Variants in KAZN observed in about 807,000 individuals in gnomAD.
The protein encoded by KAZN is kazrin.
Under a neutral mutation model 87.4 loss-of-function variants are expected in KAZN, and 40 were observed. That is an observed-to-expected ratio of 0.46 (90% CI 0.36 to 0.60). The LOEUF is 0.60. KAZN is among the 20% of genes least tolerant of loss of function. KAZN has a pLI of 0.00. For missense variants in KAZN, 898 were observed against 1,073.9 expected (o/e 0.84, Z 2.29); for synonymous variants, 466 against 458.3 (o/e 1.02, Z -0.22).
chr1:14,879,763 C>T (rs1203322694), intron 1 of KAZN, among the ~76,000 whole-genome samples: 1 of 152,144 alleles, frequency 6.6e-6, no homozygotes, highest in East Asian at 1.9e-4. Context: ...TAGACCGTCC[C>T]CCACAGCATG....
chr1:14,862,159 C>T (rs569951683), intron 1 of KAZN, among the ~76,000 whole-genome samples: 8 of 152,280 alleles, frequency 5.3e-5, no homozygotes, highest in South Asian at 4.2e-4. Context: ...TCTCAAGGAT[C>T]GAATAATAGA....
intron 2 of KAZN, chr1:14,304,749 C>T (rs1654799609): frequency 2.5e-6 from 1 of 397,580 alleles, no homozygotes; most frequent in African/African-American, 2.1e-5. Context: ...GGCATTACCA[C>T]ACCACAGTCT....
At chr1:14,085,575 C>CA (rs1643829605) in intron 1 of KAZN, among the ~76,000 whole-genome samples, 1 of 152,224 alleles carries the variant, frequency 6.6e-6, no homozygotes, top group Non-Finnish European at 1.5e-5. Context: ...TTTTGACAGT[C>CA]ATTCATGTTG....
At chr1:14,300,027 C>T (rs1318377059) in intron 2 of KAZN, among the ~76,000 whole-genome samples, 1 of 152,012 alleles carries the variant, frequency 6.6e-6, no homozygotes, top group African/African-American at 2.4e-5. Context: ...GACAAGAAAC[C>T]AGTCCTGACT....
chr1:14,454,483 C>A (rs1273428984), intron 2 of KAZN, among the ~76,000 whole-genome samples: 1 of 152,164 alleles, frequency 6.6e-6, no homozygotes, highest in East Asian at 1.9e-4. Context: ...CTTCAGAATT[C>A]CCCACCTCTT....
At chr1:15,030,501 G>T (rs934054634) in intron 2 of KAZN, among the ~76,000 whole-genome samples, 1 of 152,082 alleles carries the variant, frequency 6.6e-6, no homozygotes, top group African/African-American at 2.4e-5. Context: ...TCCTGACCTC[G>T]AGTGCTCCGC....
At chr1:13,955,245 A>G (rs1641500183) in intron 1 of KAZN, among the ~76,000 whole-genome samples, 1 of 152,068 alleles carries the variant, frequency 6.6e-6, no homozygotes, top group Non-Finnish European at 1.5e-5. Context: ...TATATAAGCT[A>G]TTTCTTTATT....
At chr1:14,864,366 C>G (rs945947418) in intron 1 of KAZN, among the ~76,000 whole-genome samples, 4 of 151,964 alleles carry the variant, frequency 2.6e-5, no homozygotes, top group Non-Finnish European at 5.9e-5. Context: ...AGTTCGAGAC[C>G]AGCCTGGCCA....
intron 2 of KAZN, among the ~76,000 whole-genome samples, chr1:14,526,817 C>A (rs1033637882): frequency 6.6e-6 from 1 of 152,166 alleles, no homozygotes; most frequent in Non-Finnish European, 1.5e-5. Flanking sequence ...CAATGTCCCC[C>A]TTTTGTATCC....
chr1:14,085,935 G>C lies in KAZN; in HGVS notation c.92-94500G>C, dbSNP rs143453978. Reference sequence around the variant, plus strand: ...CAATACTTTTTAAATATGGCCATATGAAAAAATGTGAAGTGATACCCCATA... The same window carrying C: ...CAATACTTTTTAAATATGGCCATATCAAAAAATGTGAAGTGATACCCCATA... On this transcript the variant is annotated intron_variant, in intron 1 of 16. Transcript: ENST00000636203. 6.3e-3 allele frequency among the ~76,000 whole-genome samples: 959 copies of C among 152,158 alleles called. 10 individuals are homozygous for C. The South Asian group carries it at 0.066, about 11-fold the overall frequency.
At chr1:14,087,991 G>A (rs907542293) in intron 1 of KAZN, among the ~76,000 whole-genome samples, 7 of 146,474 alleles carry the variant, frequency 4.8e-5, no homozygotes, top group African/African-American at 7.5e-5. Context: ...GTTCCCTCTT[G>A]CTGTTTTTTT....
At chr1:14,443,235 G>A (rs767195349) in intron 2 of KAZN, among the ~76,000 whole-genome samples, 22 of 152,272 alleles carry the variant, frequency 1.4e-4, no homozygotes, top group African/African-American at 3.9e-4. Flanking sequence ...AGTCTCTCCC[G>A]AATGGGCCCC....
intron 1 of KAZN, among the ~76,000 whole-genome samples, chr1:14,092,832 A>G (rs1470263112): frequency 6.6e-6 from 1 of 152,176 alleles, no homozygotes; most frequent in Admixed American, 6.5e-5. Flanking sequence ...TGTGTAATGT[A>G]CTTTGTGAAA....
At chr1:14,114,804 G>A (rs927477057) in intron 1 of KAZN, among the ~76,000 whole-genome samples, 1 of 152,164 alleles carries the variant, frequency 6.6e-6, no homozygotes, top group Non-Finnish European at 1.5e-5. Flanking sequence ...TAGAAATGCT[G>A]AGCCCTCTAA....
intron 1 of KAZN, among the ~76,000 whole-genome samples, chr1:14,158,877 G>T (rs1238333552): frequency 1.3e-5 from 2 of 152,146 alleles, no homozygotes; most frequent in African/African-American, 2.4e-5. Flanking sequence ...TGCCTTTATG[G>T]TCTTGGGTAA....
intron 2 of KAZN, among the ~76,000 whole-genome samples, chr1:14,974,320 T>C (rs1350297109): frequency 6.6e-6 from 1 of 152,176 alleles, no homozygotes; most frequent in African/African-American, 2.4e-5. Flanking sequence ...TGTCCAGCTT[T>C]GCAAAAATAC....
At chr1:14,585,978 C>T (rs538154846) in intron 2 of KAZN, among the ~76,000 whole-genome samples, 1 of 152,318 alleles carries the variant, frequency 6.6e-6, no homozygotes, top group Non-Finnish European at 1.5e-5. Context: ...AACCAGGTCC[C>T]TCCTGGGAGA....
intron 1 of KAZN, among the ~76,000 whole-genome samples, chr1:14,706,926 G>A (rs1557903888): frequency 6.6e-6 from 1 of 152,168 alleles, no homozygotes; most frequent in East Asian, 1.9e-4. Flanking sequence ...TGTAATTTGG[G>A]CTGAATCGTC....
rs924884650 is a variant in KAZN, at chr1:14,982,590, C to A, written c.418+21715C>A. On this transcript the variant is annotated intron_variant, in intron 2 of 14. Coordinates refer to ENST00000376030, the MANE Select transcript of KAZN (RefSeq NM_201628.3). ...GACTACAGGCATGCGCCACCACGCC[C>A]AGCTAATATTGTATTTAGTAGAGAT... 2.0e-5 allele frequency among the ~76,000 whole-genome samples: 3 copies of A among 152,054 alleles called. No homozygotes were observed. The East Asian group carries it at 5.8e-4, about 29-fold the overall frequency.
Sources: allele counts gnomAD v4.1 joint callset (sites outside exome capture counted in the v4.1 genomes callset), GRCh38; gene constraint gnomAD v4.1.1; transcripts MANE v1.5; gene names NCBI Gene and HGNC (gene_info 2026-07-23, HGNC 2026-07-21).